Variants in RYR2 observed in about 807,000 individuals in gnomAD.
RYR2 encodes the protein cardiac muscle ryanodine receptor-calcium release channel.
In RYR2, 227 loss-of-function variants were observed where a neutral mutation model predicts 601.1. That is an observed-to-expected ratio of 0.38 (90% CI 0.34 to 0.42). RYR2 has a LOEUF of 0.42. RYR2 is among the 10% of genes least tolerant of loss of function. The pLI is 1.00. For missense variants in RYR2, 4,646 were observed against 6,156.5 expected, an observed-to-expected ratio of 0.75 and a Z score of 8.21; for synonymous variants, 2,223 against 2,175.1, an observed-to-expected ratio of 1.02 and a Z score of -0.61.
At chr1:237,214,902 C>T (rs1053268715) in intron 1 of RYR2, among the ~76,000 whole-genome samples, 1 of 152,064 alleles carries the variant, frequency 6.6e-6, no homozygotes, top group Non-Finnish European at 1.5e-5. Context: ...GCAAAGGCAT[C>T]CTGGAGCACG....
intron 78 of RYR2, among the ~76,000 whole-genome samples, chr1:237,732,358 T>G (rs1400325580): frequency 6.6e-6 from 1 of 152,204 alleles, no homozygotes; most frequent in Non-Finnish European, 1.5e-5. Flanking sequence ...AGTTCTAGTT[T>G]TTCTTAACAA....
Position 237,189,679 on chromosome 1 carries a change from G to A in RYR2, c.49-80818G>A, listed in dbSNP as rs528377497. 2.0e-5 allele frequency among the ~76,000 whole-genome samples: 3 copies of A among 152,236 alleles called. No individual in the cohort carries two copies. The South Asian group carries it at 6.2e-4, about 32-fold the overall frequency. ...CCTCCAACAGAAATTGACCATTCTG[G>A]CACCCTGATCTTTGTCCATTCTGGC... On this transcript the variant is annotated intron_variant, in intron 1 of 104. Coordinates refer to ENST00000366574, the MANE Select transcript of RYR2 (RefSeq NM_001035.3).
chr1:237,142,223 A>G (rs1673467156), intron 1 of RYR2, among the ~76,000 whole-genome samples: 1 of 152,204 alleles, frequency 6.6e-6, no homozygotes, highest in Admixed American at 6.5e-5. Flanking sequence ...GAGGGGCCTG[A>G]GCCCCGCTCT....
chr1:237,047,575 C>T (rs1192061035), intron 1 of RYR2, among the ~76,000 whole-genome samples: 1 of 152,082 alleles, frequency 6.6e-6, no homozygotes, highest in African/African-American at 2.4e-5. Context: ...AGCTTCTCTT[C>T]CTTCTTCAAT....
chr1:237,182,609 T>C (rs1002834391), intron 1 of RYR2, among the ~76,000 whole-genome samples: 12 of 152,216 alleles, frequency 7.9e-5, no homozygotes, highest in African/African-American at 2.9e-4. Context: ...TCACATACTA[T>C]ATATTGTCTT....
intron 1 of RYR2, among the ~76,000 whole-genome samples, chr1:237,220,275 C>G (rs1572248151): frequency 6.6e-6 from 1 of 152,204 alleles, no homozygotes; most frequent in East Asian, 1.9e-4. Flanking sequence ...CTTTCTGTCT[C>G]CCTTCTGAGC....
chr1:237,342,751 C>G (rs928696466), intron 3 of RYR2, among the ~76,000 whole-genome samples: 4 of 152,092 alleles, frequency 2.6e-5, no homozygotes, highest in Admixed American at 1.3e-4. Context: ...GAACCAGAAA[C>G]CTTAGAACTG....
chr1:237,607,214 C>T (rs1367160593), intron 35 of RYR2, among the ~76,000 whole-genome samples: 1 of 152,150 alleles, frequency 6.6e-6, no homozygotes, highest in Non-Finnish European at 1.5e-5. Flanking sequence ...GAAAATGTGG[C>T]ACATATACAC....
At chr1:237,093,932 T>C (rs533902249) in intron 1 of RYR2, among the ~76,000 whole-genome samples, 3 of 151,734 alleles carry the variant, frequency 2.0e-5, no homozygotes, top group African/African-American at 7.3e-5. Flanking sequence ...GGGCAGAGAG[T>C]CGAGGGGAAG....
Position 237,709,003 on chromosome 1 carries a change from G to A in RYR2, c.10047G>A (p.Ser3349=), listed in dbSNP as rs144428932. 5.8e-5 allele frequency: 94 copies of A among 1,613,484 alleles called. No homozygotes were observed. The highest frequency in any genetic ancestry group is 4.5e-4 in the East Asian group (20 of 44,862). The change falls in exon 69 of 105, where the codon TCG becomes TCA. Residue 3349 remains serine (S), a synonymous_variant. Coordinates refer to ENST00000366574, the MANE Select transcript of RYR2 (RefSeq NM_001035.3). ...AAGCTGAGGCCAGGGGGGACATGTCGGAGGCAGAACTCCTCATCCTAGATG... is the reference window on the plus strand; with the variant it reads ...AAGCTGAGGCCAGGGGGGACATGTCAGAGGCAGAACTCCTCATCCTAGATG... The part of the protein sequence containing the change: ...HLKAEARGDM[S]EAELLILDEF...
chr1:237,091,030 C>T (rs748015441), intron 1 of RYR2, among the ~76,000 whole-genome samples: 4 of 152,170 alleles, frequency 2.6e-5, no homozygotes, highest in Non-Finnish European at 5.9e-5. Context: ...ACGACTTTCA[C>T]ATGACATTTG....
rs749767730 is a variant in RYR2 at position 237,833,976 on chromosome 1, C to G, written c.*1329C>G. On this transcript the variant is annotated 3_prime_UTR_variant, in exon 105 of 105. Transcript: ENST00000366574. The stretch of plus-strand genomic sequence containing the variant: ...GAACTGTAAAACCGCTCTGATTAAA[C>G]TATTTAACTAACTTTCTCATCCTCT... The G allele has an allele frequency of 1.5e-4, 23 of 152,232 alleles. No individual in the cohort carries two copies. Among genetic ancestry groups the G allele is most frequent in the Non-Finnish European group, 5.9e-5 (4 of 68,028 alleles). The allele number at this position is 152,232 out of a possible 1,614,324, so 9.4% of individuals were successfully genotyped here.
intron 14 of RYR2, among the ~76,000 whole-genome samples, chr1:237,447,722 A>G (rs1572371660): frequency 6.6e-6 from 1 of 151,680 alleles, no homozygotes; most frequent in Middle Eastern, 3.4e-3. Flanking sequence ...TTTTAGTGGT[A>G]CCTCACACCT....
At position 237,473,130 on chromosome 1, in the gene RYR2, A is replaced by G. The variant is rs539368196; in HGVS notation, c.1708+3943A>G. ...GATTAATATTTGTAAAGTACATAAA[A>G]AAGTATTTGGTGGGCGGGTGTGGTG... On this transcript the variant is annotated intron_variant, in intron 17 of 104. Coordinates refer to ENST00000366574, the MANE Select transcript of RYR2 (RefSeq NM_001035.3). Among the ~76,000 whole-genome samples the G allele has an allele frequency of 2.5e-3, 381 of 152,226 alleles. 6 individuals carry two copies. Among genetic ancestry groups the G allele is most frequent in the African/African-American group, 8.8e-3 (364 of 41,552 alleles).
chr1:237,352,832 AT>A (rs764785138), intron 3 of RYR2: 1 of 512,292 alleles, frequency 2.0e-6, no homozygotes, highest in East Asian at 5.5e-5. Context: ...GAAAAGATTT[AT>A]TTTTTAATAA....
At position 237,199,951 on chromosome 1, in the gene RYR2, G is replaced by A. The variant is rs184967373; in HGVS notation, c.49-70546G>A. On this transcript the variant is annotated intron_variant, in intron 1 of 104. Coordinates refer to ENST00000366574, the MANE Select transcript of RYR2 (RefSeq NM_001035.3). ...CATCAGAAATGTTCGTTAATTAGCC[G>A]AGTTTTGTTTATTATAATATTTCTG... is the stretch of plus-strand genomic sequence containing the variant. Among the ~76,000 whole-genome samples the A allele has an allele frequency of 3.1e-3, 478 of 152,172 alleles. 1 individual carries two copies. Among genetic ancestry groups the A allele is most frequent in the South Asian group, 5.0e-3 (24 of 4,820 alleles).
At chr1:237,535,057 A>T (rs1431780635) in intron 25 of RYR2, among the ~76,000 whole-genome samples, 1 of 151,922 alleles carries the variant, frequency 6.6e-6, no homozygotes, top group Non-Finnish European at 1.5e-5. Context: ...TGTACAATAG[A>T]TCTCTTGGAT....
In RYR2 at chr1:237,456,741, A is replaced by T. The variant is rs1051657528; in HGVS notation, c.1612+6A>T. On this transcript the variant is annotated splice_donor_region_variant and intron_variant, in intron 16 of 104. Coordinates refer to ENST00000366574, the MANE Select transcript of RYR2 (RefSeq NM_001035.3). ...TTCTCTGTATGAGTTGCTGGGTAAG[A>T]AGCATGATTGGGTTCATAGCAACAG... 1.5e-5 allele frequency: 25 copies of T among 1,613,220 alleles called. No homozygotes were observed. The highest frequency in any genetic ancestry group is 2.1e-5 in the Non-Finnish European group (25 of 1,179,582).
At position 237,492,871 on chromosome 1, in the gene RYR2, GAAGGGAA is replaced by G. The variant is rs2150419752; in HGVS notation, c.1828-82_1828-76del. The G allele has an allele frequency of 5.0e-6, 6 of 1,201,808 alleles. No individual in the cohort carries two copies. In the East Asian group the frequency reaches 1.4e-4, roughly 28 times the overall value. The allele number at this position is 1,201,808 out of a possible 1,614,324, so 74.4% of individuals were successfully genotyped here. On this transcript the variant is annotated intron_variant, in intron 18 of 104. Coordinates refer to ENST00000366574, the MANE Select transcript of RYR2 (RefSeq NM_001035.3). ...AGGAAGGAAGGAAGGAAGGAAGGAA[GAAGGGAA>G]GGAAGGAAGGGAGGGAGGGAGGGAG...
Sources: gnomAD v4.1 joint callset for allele counts (sites outside exome capture counted in the v4.1 genomes callset) on GRCh38, gnomAD v4.1.1 for gene constraint, MANE v1.5 for transcripts, NCBI Gene and HGNC (gene_info 2026-07-23, HGNC 2026-07-21) for gene names.